The following RORB variants were observed in gnomAD, a reference collection of about 807,000 sequenced individuals.
RORB encodes RAR related orphan receptor B.
A neutral mutation model predicts 59.1 loss-of-function variants in RORB; 6 were observed. That is an observed-to-expected ratio of 0.10 (90% CI 0.06 to 0.20). The LOEUF is 0.20. Ranked by LOEUF, RORB falls within the 10% of genes least tolerant of loss-of-function variation. The probability of loss-of-function intolerance (pLI) is 1.00; values close to 1 mark genes in which losing one functional copy is unlikely to be tolerated. For missense variants in RORB, 320 were observed against 560.5 expected, an observed-to-expected ratio of 0.57 and a Z score of 4.33; for synonymous variants, 215 against 204.5, an observed-to-expected ratio of 1.05 and a Z score of -0.44.
intron 1 of RORB, among the ~76,000 whole-genome samples, chr9:74,598,010 A>C (rs1482531612): frequency 6.6e-6 from 1 of 152,178 alleles, no homozygotes; most frequent in Non-Finnish European, 1.5e-5. Flanking sequence ...TATTTGATAT[A>C]CATTAGGTTA....
At chr9:74,660,939 T>C (rs1824170916) in intron 5 of RORB, among the ~76,000 whole-genome samples, 1 of 152,148 alleles carries the variant, frequency 6.6e-6, no homozygotes, top group Admixed American at 6.5e-5. Context: ...ACCAGAAATG[T>C]CTCCAGATAC....
At chr9:74,593,709 G>C (rs1444954055) in intron 1 of RORB, among the ~76,000 whole-genome samples, 1 of 152,110 alleles carries the variant, frequency 6.6e-6, no homozygotes, top group Non-Finnish European at 1.5e-5. Flanking sequence ...GAAGGGACAG[G>C]ACAGTGAACA....
chr9:74,592,070 C>G (rs1822906296), intron 1 of RORB, among the ~76,000 whole-genome samples: 1 of 151,814 alleles, frequency 6.6e-6, no homozygotes, highest in Non-Finnish European at 1.5e-5. Flanking sequence ...TTACAATGGC[C>G]CAAATTTTGA....
chr9:74,506,023 T>C (rs1587330779), intron 1 of RORB, among the ~76,000 whole-genome samples: 2 of 151,998 alleles, frequency 1.3e-5, no homozygotes, highest in South Asian at 2.1e-4. Flanking sequence ...AAATACTTTA[T>C]AATATCCATA....
At chr9:74,573,907 G>T (rs920179994) in intron 1 of RORB, among the ~76,000 whole-genome samples, 2 of 152,098 alleles carry the variant, frequency 1.3e-5, no homozygotes, top group African/African-American at 4.8e-5. Flanking sequence ...GCTGGACAGG[G>T]TATCAAAGCT....
intron 3 of RORB, among the ~76,000 whole-genome samples, chr9:74,636,777 G>C (rs1345391761): frequency 6.6e-6 from 1 of 152,082 alleles, no homozygotes; most frequent in African/African-American, 2.4e-5. Context: ...TGGGTGGGGT[G>C]GGGAATCTGG....
chr9:74,625,955 G>A (rs1823506323), intron 1 of RORB, among the ~76,000 whole-genome samples: 1 of 152,186 alleles, frequency 6.6e-6, no homozygotes, highest in Non-Finnish European at 1.5e-5. Context: ...AAGGTATTTT[G>A]TTGAATCAAT....
At chr9:74,662,321 T>A (rs1000151266) in intron 5 of RORB, among the ~76,000 whole-genome samples, 153 bp from the exon 6 acceptor site, 2 of 152,106 alleles carry the variant, frequency 1.3e-5, no homozygotes, top group African/African-American at 2.4e-5. Flanking sequence ...GGAAAAAAAA[T>A]AAAAGTAGTG....
At chr9:74,515,144 A>G (rs572502485) in intron 1 of RORB, among the ~76,000 whole-genome samples, 52 of 150,786 alleles carry the variant, frequency 3.4e-4, no homozygotes, top group African/African-American at 1.1e-3. Context: ...AAGAAAATGT[A>G]TTTATTCAAC....
chr9:74,515,112 A>G (rs1825989971), intron 1 of RORB, among the ~76,000 whole-genome samples: 1 of 149,424 alleles, frequency 6.7e-6, no homozygotes, highest in African/African-American at 2.5e-5. Flanking sequence ...AGCATTACAT[A>G]GTTGTTGAAA....
chr9:74,584,850 A>T (rs1358310114), intron 1 of RORB, among the ~76,000 whole-genome samples: 1 of 152,186 alleles, frequency 6.6e-6, no homozygotes, highest in Non-Finnish European at 1.5e-5. Context: ...TTTAGAGTGG[A>T]TAGCCAGTTA....
At chr9:74,524,554 A>G (rs890891363) in intron 1 of RORB, among the ~76,000 whole-genome samples, 4 of 151,944 alleles carry the variant, frequency 2.6e-5, no homozygotes, top group African/African-American at 9.7e-5. Flanking sequence ...GATTCCACTA[A>G]TTTATAGAAG....
intron 1 of RORB, among the ~76,000 whole-genome samples, chr9:74,579,805 C>G (rs920834737): frequency 2.0e-5 from 3 of 152,118 alleles, no homozygotes; most frequent in East Asian, 1.9e-4. Context: ...TTCTGGGAAG[C>G]CTTATCTGAC....
intron 3 of RORB, among the ~76,000 whole-genome samples, chr9:74,639,990 A>C (rs896370746): frequency 1.3e-5 from 2 of 152,204 alleles, no homozygotes; most frequent in African/African-American, 4.8e-5. Context: ...TTAGTAAGCA[A>C]ATAAATTTGT....
At chr9:74,512,824 C>A (rs1825960165) in intron 1 of RORB, among the ~76,000 whole-genome samples, 1 of 152,100 alleles carries the variant, frequency 6.6e-6, no homozygotes, top group Non-Finnish European at 1.5e-5. Context: ...AATCTCATTT[C>A]CACTCCACAA....
chr9:74,674,397 G>A (rs987045366), intron 9 of RORB, among the ~76,000 whole-genome samples: 9 of 152,146 alleles, frequency 5.9e-5, no homozygotes, highest in African/African-American at 2.2e-4. Flanking sequence ...GAATTCCAGG[G>A]GCTCCGGTGA....
chr9:74,590,205 G>A (rs1822866809), intron 1 of RORB, among the ~76,000 whole-genome samples: 1 of 152,090 alleles, frequency 6.6e-6, no homozygotes, highest in South Asian at 2.1e-4. Flanking sequence ...AGACCTCTAG[G>A]AGTAGCAGTA....
In RORB at chr9:74,690,957, A is replaced by G. The variant is rs866244350; in HGVS notation, c.*5339A>G. On this transcript the variant is annotated 3_prime_UTR_variant, in exon 10 of 10. Coordinates refer to ENST00000376896, the MANE Select transcript of RORB (RefSeq NM_006914.4). ...CTCAGTGTGTTTCTTGAACTGTGTG[A>G]CTTCAATATCTGTGACAAGTTTTTA... 1 of 152,120 alleles carries G rather than the reference A, an allele frequency of 6.6e-6. No homozygotes were observed. Among genetic ancestry groups the G allele is most frequent in the South Asian group, 2.1e-4 (1 of 4,818 alleles). The allele number at this position is 152,120 out of a possible 1,614,324, so 9.4% of individuals were successfully genotyped here. A position where few individuals can be genotyped will look rare whatever the true frequency, so the allele number is the denominator to read the frequency against.
At chr9:74,660,590 C>T (rs541698428) in intron 4 of RORB, 27 bp from the exon 5 acceptor site, 104 of 1,594,424 alleles carry the variant, frequency 6.5e-5, no homozygotes, top group Non-Finnish European at 8.1e-5. Flanking sequence ...TATTCACAAA[C>T]CTTTGAATTG....
Sources: gnomAD v4.1 joint callset for allele counts (sites outside exome capture counted in the v4.1 genomes callset) on GRCh38, gnomAD v4.1.1 for gene constraint, MANE v1.5 for transcripts, NCBI Gene and HGNC (gene_info 2026-07-23, HGNC 2026-07-21) for gene names.